ZNF573: variants seen among roughly 807,000 people sequenced by gnomAD.
ZNF573 encodes zinc finger protein 573.
Under a neutral mutation model 57.4 loss-of-function variants are expected in ZNF573, and 41 were observed. That is an observed-to-expected ratio of 0.71 (90% CI 0.56 to 0.93). ZNF573 has a LOEUF of 0.93. Ranked by LOEUF, ZNF573 falls within the 40% of genes least tolerant of loss-of-function variation. The pLI, the probability that ZNF573 is intolerant of heterozygous loss-of-function variation, is 0.00. For synonymous variants in ZNF573, 249 were observed against 261.0 expected (o/e 0.95, Z 0.44); for missense variants, 730 against 794.8 (o/e 0.92, Z 0.98).
rs1302417896 is a variant in ZNF573, at chr19:37,771,607, G to C, written c.159C>G (p.Tyr53Ter). 1 of 1,607,234 alleles carries C rather than the reference G, an allele frequency of 6.2e-7. No homozygotes were observed. Among genetic ancestry groups the C allele is most frequent in the East Asian group, 2.3e-5 (1 of 43,864 alleles). The change falls in exon 3 of 5, where the codon TAC becomes TAG. Residue 53 changes from tyrosine (Y) to a stop codon, truncating the protein, a stop_gained. Transcript: ENST00000536220. LOFTEE classifies it high-confidence loss of function. ...TATAGTTCTCCAACATCACATCCCT[G>C]TATAAGTCCCTCTGATTAGGGTCCA... ...EYLDPNQRDLYRDVMLENYRN... is the reference protein window; with the variant it reads ...EYLDPNQRDL
intron 4 of ZNF573, among the ~76,000 whole-genome samples, chr19:37,769,354 T>C (rs913258401): frequency 9.9e-5 from 15 of 152,018 alleles, no homozygotes; most frequent in African/African-American, 2.9e-4. Context: ...GATCACTACA[T>C]TGATATGTGT....
chr19:37,744,806 G>GCATCTC (rs1555739819), intron 4 of ZNF573, among the ~76,000 whole-genome samples: 1 of 150,616 alleles, frequency 6.6e-6, no homozygotes, highest in Non-Finnish European at 1.5e-5. Context: ...TTTTGAGATG[G>GCATCTC]CATCTCGCTC....
intron 4 of ZNF573, among the ~76,000 whole-genome samples, chr19:37,748,024 T>C (rs2045398174): frequency 6.6e-6 from 1 of 152,006 alleles, no homozygotes; most frequent in South Asian, 2.1e-4. Context: ...CCAGCCTAAT[T>C]ACAAAAAAAC....
intron 1 of ZNF573, among the ~76,000 whole-genome samples, chr19:37,774,126 C>CTTTTTTTTTT (rs539456711): frequency 2.3e-5 from 2 of 87,782 alleles, no homozygotes; most frequent in African/African-American, 4.9e-5. Context: ...CTAGAAGCTT[C>CTTTTTTTTTT]TTTTTTTTTT....
chr19:37,764,198 A>C (rs2045579063), intron 4 of ZNF573, among the ~76,000 whole-genome samples: 1 of 152,164 alleles, frequency 6.6e-6, no homozygotes, highest in Non-Finnish European at 1.5e-5. Flanking sequence ...TTTCAATTAA[A>C]CACCATTTAG....
In ZNF573 at chr19:37,777,291, G is replaced by A. The variant is rs111457306; in HGVS notation, c.-23+2253C>T. Among the ~76,000 whole-genome samples the A allele has an allele frequency of 5.9e-3, 900 of 152,184 alleles. 10 individuals are homozygous for A. Among genetic ancestry groups the A allele is most frequent in the African/African-American group, 0.02 (850 of 41,524 alleles). ...AGCCTCCCAAAATGCTGGGATTACA[G>A]GTGTGAGCCACTGCACCCAGACAGA... is the stretch of plus-strand genomic sequence containing the variant. On this transcript the variant is annotated intron_variant, in intron 1 of 4. Transcript: ENST00000536220.
intron 4 of ZNF573, among the ~76,000 whole-genome samples, chr19:37,769,153 C>T (rs568535158): frequency 7.3e-5 from 11 of 151,468 alleles, no homozygotes; most frequent in South Asian, 2.1e-4. Flanking sequence ...TAAGTAGAGA[C>T]GGGGTTTCAC....
chr19:37,766,905 C>T (rs2045606332), intron 4 of ZNF573, among the ~76,000 whole-genome samples: 1 of 152,170 alleles, frequency 6.6e-6, no homozygotes, highest in Non-Finnish European at 1.5e-5. Context: ...TACTTCTAAC[C>T]TCACAAGCTA....
At chr19:37,774,115 A>ATTTTC in intron 1 of ZNF573, among the ~76,000 whole-genome samples, 1 of 147,330 alleles carries the variant, frequency 6.8e-6, no homozygotes, top group Non-Finnish European at 1.5e-5. Context: ...TATCGTTCAA[A>ATTTTC]CTAGAAGCTT....
At chr19:37,747,583 T>C (rs1014026241) in intron 4 of ZNF573, among the ~76,000 whole-genome samples, 2 of 152,186 alleles carry the variant, frequency 1.3e-5, no homozygotes, top group Admixed American at 6.5e-5. Context: ...GAAAAAATAG[T>C]ACATTTGGAG....
Position 37,739,593 on chromosome 19 carries a change from C to G in ZNF573, c.897G>C (p.Glu299Asp), listed in dbSNP as rs757717311. ...CACATTTCTCACATATGTATGGCTT[C>G]TCATCAGTATGAAACTGCCCATGTT... ...LVEHGQFHTD[E>D]KPYICEKCGK... The change falls in exon 5 of 5, where the codon GAG becomes GAC. Residue 299 changes from glutamate to aspartate, a missense_variant. Transcript: ENST00000536220. 13 of 1,613,906 alleles carry G rather than the reference C, an allele frequency of 8.1e-6. No homozygotes were observed. Among genetic ancestry groups the G allele is most frequent in the Non-Finnish European group, 1.1e-5 (13 of 1,180,018 alleles).
intron 4 of ZNF573, chr19:37,755,104 G>A (rs1276420215): frequency 6.6e-6 from 1 of 152,154 alleles, no homozygotes; most frequent in Non-Finnish European, 1.5e-5. Flanking sequence ...TGAGTAGCTG[G>A]GACTACAGGC....
intron 3 of ZNF573, among the ~76,000 whole-genome samples, chr19:37,770,832 T>TTTTATA (rs1555745090): frequency 3.2e-5 from 3 of 93,750 alleles, no homozygotes; most frequent in African/African-American, 1.2e-4. Flanking sequence ...TTAAGTTATT[T>TTTTATA]TATATATATA....
At chr19:37,774,741 T>C (rs960234516) in intron 1 of ZNF573, among the ~76,000 whole-genome samples, 3 of 152,228 alleles carry the variant, frequency 2.0e-5, no homozygotes, top group African/African-American at 7.2e-5. Flanking sequence ...GCACAGGCTA[T>C]AGGACATCAA....
At chr19:37,774,574 T>C (rs2045690683) in intron 1 of ZNF573, among the ~76,000 whole-genome samples, 1 of 152,208 alleles carries the variant, frequency 6.6e-6, no homozygotes, top group Non-Finnish European at 1.5e-5. Context: ...ATACAAAATA[T>C]ACATGTAATA....
chr19:37,744,973 A>C (rs2045366791), intron 4 of ZNF573, among the ~76,000 whole-genome samples: 1 of 151,310 alleles, frequency 6.6e-6, no homozygotes, highest in African/African-American at 2.4e-5. Context: ...TAGTAGAGAC[A>C]GGGTTTCACC....
intron 4 of ZNF573, among the ~76,000 whole-genome samples, chr19:37,749,498 AAAC>A (rs2045413559): frequency 6.6e-6 from 1 of 152,076 alleles, no homozygotes; most frequent in Non-Finnish European, 1.5e-5. Context: ...AAAGAAGAAA[AAAC>A]AATTTATAAA....
At chr19:37,766,515 A>T (rs1282401489) in intron 4 of ZNF573, among the ~76,000 whole-genome samples, 1 of 152,188 alleles carries the variant, frequency 6.6e-6, no homozygotes, top group Non-Finnish European at 1.5e-5. Context: ...ACTCTAGAAA[A>T]TTTTCAATTC....
rs1051321045 is a variant in ZNF573 at position 37,751,691 on chromosome 19, C to T, written c.296-11497G>A. On this transcript the variant is annotated intron_variant, in intron 4 of 4. Coordinates refer to ENST00000536220, the MANE Select transcript of ZNF573 (RefSeq NM_001172690.2). ...ATATACTGTATATAGTACATAGTAC[C>T]GTATATATACTGTATATAGTACATA... Among the ~76,000 whole-genome samples, 5 of 136,724 alleles carry T rather than the reference C, an allele frequency of 3.7e-5. 1 individual carries two copies. The highest frequency in any genetic ancestry group is 4.4e-4 in the East Asian group (2 of 4,516). 89.7% of individuals were successfully genotyped at this position (136,724 alleles called of 152,430 possible).
Sources: allele counts gnomAD v4.1 joint callset (sites outside exome capture counted in the v4.1 genomes callset), GRCh38; gene constraint gnomAD v4.1.1; transcripts MANE v1.5; gene names NCBI Gene and HGNC (gene_info 2026-07-23, HGNC 2026-07-21).